CHST15: variants seen among roughly 807,000 people sequenced by gnomAD.
CHST15 encodes B cell RAG associated protein (GALNAC4S-6ST).
A neutral mutation model predicts 53.6 loss-of-function variants in CHST15; 30 were observed. That is an observed-to-expected ratio of 0.56 (90% confidence interval 0.42 to 0.76). CHST15 has a LOEUF of 0.76. CHST15 is among the 30% of genes least tolerant of loss of function. The pLI is 0.00. For missense variants in CHST15, 627 were observed against 740.5 expected, an observed-to-expected ratio of 0.85 and a Z score of 1.78; for synonymous variants, 296 against 289.8, an observed-to-expected ratio of 1.02 and a Z score of -0.22.
intron 5 of CHST15, among the ~76,000 whole-genome samples, chr10:124,035,161 G>A (rs1255786218): frequency 1.4e-5 from 2 of 143,618 alleles, no homozygotes; most frequent in African/African-American, 5.3e-5. Flanking sequence ...GGGGACCCCG[G>A]CTCCGCCCCC....
At chr10:124,063,641 G>C (rs1459242484) in intron 1 of CHST15, among the ~76,000 whole-genome samples, 2 of 151,916 alleles carry the variant, frequency 1.3e-5, no homozygotes, top group African/African-American at 4.8e-5. Flanking sequence ...ATGGGGCATG[G>C]CTCGAAAAAA....
chr10:124,091,904 G>A (rs1949610464), intron 1 of CHST15, among the ~76,000 whole-genome samples: 1 of 152,112 alleles, frequency 6.6e-6, no homozygotes, highest in African/African-American at 2.4e-5. Flanking sequence ...CAGCCGCGCC[G>A]GCCGGCCCCG....
rs529176659 is a variant in CHST15, at chr10:124,038,808, G to A, written c.1034-137C>T. The stretch of plus-strand genomic sequence containing the variant: ...GAGAGGCCAAGCTGTCAGCCTTTGC[G>A]GGCATCTGGGACTCCAAAGAGAGAA... On this transcript the variant is annotated intron_variant, in intron 4 of 7. Coordinates refer to ENST00000435907, the MANE Select transcript of CHST15 (RefSeq NM_001270764.2). The A allele has an allele frequency of 1.7e-4, 141 of 835,638 alleles. No individual in the cohort carries two copies. In the South Asian group the frequency reaches 1.9e-3, roughly 11 times the overall value. The allele number at this position is 835,638 out of a possible 1,614,324, so 51.8% of individuals were successfully genotyped here. A position where few individuals can be genotyped will look rare whatever the true frequency, so the allele number is the denominator to read the frequency against.
intron 1 of CHST15, among the ~76,000 whole-genome samples, chr10:124,047,014 C>T (rs978242113): frequency 1.3e-5 from 2 of 152,176 alleles, no homozygotes; most frequent in African/African-American, 4.8e-5. Context: ...TCCCCTAATC[C>T]CTCTGCCTTG....
rs1947516057 is a variant in CHST15, at chr10:124,036,846, G to A, written c.1190+1669C>T. ...ATTGGCAAATACGTGGGGCCAGGAAGGTATGCCACCTGAAGAAGGGGTCCC... is the reference window on the plus strand; with the variant it reads ...ATTGGCAAATACGTGGGGCCAGGAAAGTATGCCACCTGAAGAAGGGGTCCC... On this transcript the variant is annotated intron_variant, in intron 5 of 7. Coordinates refer to ENST00000435907, the MANE Select transcript of CHST15 (RefSeq NM_001270764.2). This position sits in a 1 kb window ranked among gnomAD's most constrained non-coding sequence, Gnocchi z 5.1. Among the ~76,000 whole-genome samples the A allele has an allele frequency of 6.6e-6, 1 of 152,176 alleles. No homozygotes were observed. Among genetic ancestry groups the A allele is most frequent in the Non-Finnish European group, 1.5e-5 (1 of 68,026 alleles).
In CHST15 at chr10:124,038,905, G is replaced by A. The variant is rs549120446; in HGVS notation, c.1034-234C>T. ...AAAACTTCTGTCTGGAAGTCCAGGC[G>A]ATCCATGCAACACTGAGTGCCCCCA... On this transcript the variant is annotated intron_variant, in intron 4 of 7. Transcript: ENST00000435907. Among the ~76,000 whole-genome samples the A allele has an allele frequency of 2.4e-4, 36 of 151,848 alleles. 1 individual carries two copies. Among genetic ancestry groups the A allele is most frequent in the African/African-American group, 7.7e-4 (32 of 41,354 alleles).
chr10:124,065,380 C>T (rs989648641), intron 1 of CHST15, among the ~76,000 whole-genome samples: 1 of 152,168 alleles, frequency 6.6e-6, no homozygotes, highest in Non-Finnish European at 1.5e-5. Context: ...AAGACCGTAT[C>T]TCAAAAAGAA....
chr10:124,023,697 A>G (rs904207543), intron 5 of CHST15, among the ~76,000 whole-genome samples: 1 of 152,048 alleles, frequency 6.6e-6, no homozygotes, highest in Admixed American at 6.6e-5. Context: ...GTGGCTCCAC[A>G]GGGTCACACT....
chr10:124,081,832 C>A (rs1435591444), intron 1 of CHST15, among the ~76,000 whole-genome samples: 1 of 152,152 alleles, frequency 6.6e-6, no homozygotes, highest in Non-Finnish European at 1.5e-5. Context: ...TGCTTTCACC[C>A]AGCGTACCCT....
chr10:124,087,147 C>T (rs1949456517), intron 1 of CHST15, among the ~76,000 whole-genome samples: 1 of 152,222 alleles, frequency 6.6e-6, no homozygotes, highest in East Asian at 1.9e-4. Context: ...TTACACCTCT[C>T]TCGACCTCTT....
intron 5 of CHST15, among the ~76,000 whole-genome samples, chr10:124,026,666 G>A (rs975017437): frequency 5.9e-5 from 9 of 152,264 alleles, no homozygotes; most frequent in East Asian, 1.9e-4. Flanking sequence ...CATTAACAGG[G>A]GCACGGCATG....
At chr10:124,023,242 T>C (rs1328357140) in intron 5 of CHST15, among the ~76,000 whole-genome samples, 2 of 152,100 alleles carry the variant, frequency 1.3e-5, no homozygotes, top group Non-Finnish European at 2.9e-5. Flanking sequence ...CCCAGCACTT[T>C]AGGAGGCCGA....
At position 124,009,941 on chromosome 10, in the gene CHST15, G is replaced by A; in HGVS notation, c.*208C>T. The A allele has an allele frequency of 7.1e-7, 1 of 1,409,050 alleles. No homozygotes were observed. Among genetic ancestry groups the A allele is most frequent in the Non-Finnish European group, 9.2e-7 (1 of 1,084,168 alleles). The allele number at this position is 1,409,050 out of a possible 1,614,324, so 87.3% of individuals were successfully genotyped here. A position where few individuals can be genotyped will look rare whatever the true frequency, so the allele number is the denominator to read the frequency against. ...AGAAACTGGGGTCTCCAATGGCCTC[G>A]GATAGAGGAGCTCTGTGAGGGGTCC... is the stretch of plus-strand genomic sequence containing the variant. On this transcript the variant is annotated 3_prime_UTR_variant, in exon 8 of 8. Transcript: ENST00000435907.
intron 6 of CHST15, chr10:124,020,115 TGTGGCCCCAGGACCCAGCGTCATGCA>T: frequency 1.0e-6 from 1 of 985,594 alleles, no homozygotes; most frequent in East Asian, 1.1e-4. Context: ...CTGGCATTGC[TGTGGCCCCAGGACCCAGCGTCATGCA>T]GGGGACATAG....
chr10:124,012,285 C>A (rs1426124173), intron 7 of CHST15, 48 bp downstream of exon 7: 2 of 1,583,572 alleles, frequency 1.3e-6, no homozygotes, highest in South Asian at 1.2e-5. Flanking sequence ...CAGAACAAGT[C>A]CACGGAGCTC....
chr10:124,008,967 T>C lies in CHST15; in HGVS notation c.*1182A>G. 1 of 1,289,160 alleles carries C rather than the reference T, an allele frequency of 7.8e-7. No individual in the cohort carries two copies. The highest frequency in any genetic ancestry group is 1.0e-6 in the Non-Finnish European group (1 of 988,682). The allele number at this position is 1,289,160 out of a possible 1,614,324, so 79.9% of individuals were successfully genotyped here. A position where few individuals can be genotyped will look rare whatever the true frequency, so the allele number is the denominator to read the frequency against. Reference sequence around the variant, plus strand: ...AAGAACACGGCTCTTAGAAACCTCATTCCAAATCTCAACACGCCACGTTCA... The same window carrying C: ...AAGAACACGGCTCTTAGAAACCTCACTCCAAATCTCAACACGCCACGTTCA... On this transcript the variant is annotated 3_prime_UTR_variant, in exon 8 of 8. Coordinates refer to ENST00000435907, the MANE Select transcript of CHST15 (RefSeq NM_001270764.2).
At chr10:124,035,097 T>C (rs1223331758) in intron 5 of CHST15, among the ~76,000 whole-genome samples, 1 of 117,292 alleles carries the variant, frequency 8.5e-6, no homozygotes, top group Admixed American at 8.7e-5. Context: ...GCTCCACCCC[T>C]AACAGGGACC....
chr10:124,009,901 A>G lies in CHST15; in HGVS notation c.*248T>C. 7.5e-7 allele frequency: 1 copy of G among 1,324,962 alleles called. No individual in the cohort carries two copies. Among genetic ancestry groups the G allele is most frequent in the Middle Eastern group, 2.9e-4 (1 of 3,410 alleles). 82.1% of individuals were successfully genotyped at this position (1,324,962 alleles called of 1,614,324 possible). A position where few individuals can be genotyped will look rare whatever the true frequency, so the allele number is the denominator to read the frequency against. On this transcript the variant is annotated 3_prime_UTR_variant, in exon 8 of 8. Coordinates refer to ENST00000435907, the MANE Select transcript of CHST15 (RefSeq NM_001270764.2). ...CCCCAAGCTCCAGGACGCTCAGAGC[A>G]GAGCTGAATTCTTGAGAAACTGGGG...
intron 1 of CHST15, among the ~76,000 whole-genome samples, chr10:124,047,601 T>G (rs1452927852): frequency 1.1e-4 from 17 of 152,224 alleles, no homozygotes; most frequent in Non-Finnish European, 2.2e-4. Flanking sequence ...TCACCACTAA[T>G]TGGCTGTGTG....
Sources: gnomAD v4.1 joint callset for allele counts (sites outside exome capture counted in the v4.1 genomes callset) on GRCh38, gnomAD v4.1.1 for gene constraint, Gnocchi (gnomAD v3.1) non-coding constraint, MANE v1.5 for transcripts, NCBI Gene and HGNC (gene_info 2026-07-23, HGNC 2026-07-21) for gene names.